The following ARL15 variants were observed in gnomAD, a reference collection of about 807,000 sequenced individuals.
ARL15 encodes ADP-ribosylation factor-like protein 15.
A neutral mutation model predicts 25.2 loss-of-function variants in ARL15; 19 were observed. The ratio of observed to expected loss-of-function variants is 0.75; its 90% CI spans 0.53 to 1.10. The LOEUF is 1.10. ARL15 is among the 50% of genes least tolerant of loss of function. The pLI is 0.00. For synonymous variants in ARL15, 94 were observed against 86.8 expected, an observed-to-expected ratio of 1.08 and a Z score of -0.46; for missense variants, 220 against 246.0, an observed-to-expected ratio of 0.89 and a Z score of 0.71.
At chr5:53,943,687 G>A (rs181083586) in intron 4 of ARL15, among the ~76,000 whole-genome samples, 63 of 152,282 alleles carry the variant, frequency 4.1e-4, no homozygotes, top group Non-Finnish European at 5.4e-4. Flanking sequence ...CTGAGTGGGT[G>A]GCTGAGATAG....
chr5:54,223,373 T>C (rs527525290), intron 1 of ARL15, among the ~76,000 whole-genome samples: 23 of 152,310 alleles, frequency 1.5e-4, no homozygotes, highest in African/African-American at 5.3e-4. Flanking sequence ...AAAGAATATT[T>C]TCAATAATTT....
At chr5:54,028,887 T>G (rs1749874022) in intron 4 of ARL15, among the ~76,000 whole-genome samples, 1 of 152,100 alleles carries the variant, frequency 6.6e-6, no homozygotes, top group South Asian at 2.1e-4. Flanking sequence ...CCAGGTATGG[T>G]GGTATGCGCC....
At chr5:54,157,800 T>C (rs549603666) in intron 2 of ARL15, among the ~76,000 whole-genome samples, 1 of 152,322 alleles carries the variant, frequency 6.6e-6, no homozygotes, top group East Asian at 1.9e-4. Flanking sequence ...GTTAGATTTA[T>C]ACTGCAAAGG....
intron 4 of ARL15, among the ~76,000 whole-genome samples, chr5:53,974,316 T>G (rs1747856652): frequency 6.6e-6 from 1 of 152,214 alleles, no homozygotes; most frequent in African/African-American, 2.4e-5. Context: ...ACTTGTGACT[T>G]AATCTGAAAA....
intron 4 of ARL15, among the ~76,000 whole-genome samples, chr5:53,933,087 A>G (rs1319204010): frequency 2.0e-5 from 3 of 152,210 alleles, no homozygotes; most frequent in Non-Finnish European, 4.4e-5. Context: ...AGGACAAAGC[A>G]TCTCTGCTGT....
intron 4 of ARL15, among the ~76,000 whole-genome samples, chr5:54,027,763 T>C (rs1260988993): frequency 6.6e-6 from 1 of 152,126 alleles, no homozygotes; most frequent in African/African-American, 2.4e-5. Context: ...TATTATTTAA[T>C]CAAAGAATCA....
At chr5:54,126,126 C>T (rs894287742) in intron 3 of ARL15, among the ~76,000 whole-genome samples, 1 of 152,114 alleles carries the variant, frequency 6.6e-6, no homozygotes, top group Non-Finnish European at 1.5e-5. Context: ...AAATTCTGTT[C>T]ATCAGCTTAT....
intron 4 of ARL15, among the ~76,000 whole-genome samples, chr5:53,899,347 C>CAAAAAAAAAAAAAAAA (rs59145507): frequency 1.1e-5 from 1 of 89,396 alleles, no homozygotes; most frequent in African/African-American, 5.5e-5. Flanking sequence ...GACTCTATCC[C>CAAAAAAAAAAAAAAAA]AAAAAAAAAA....
chr5:54,165,500 A>G (rs970330851), intron 2 of ARL15, among the ~76,000 whole-genome samples: 12 of 151,754 alleles, frequency 7.9e-5, no homozygotes, highest in Non-Finnish European at 4.4e-5. Context: ...ATTAGTTGAC[A>G]GTTTTTTCCC....
chr5:53,886,628 A>G lies in ARL15; in HGVS notation c.548T>C (p.Leu183Pro). The change falls in exon 5 of 5, where the codon CTG becomes CCG. Residue 183 changes from leucine to proline, a missense_variant. Coordinates refer to ENST00000504924, the MANE Select transcript of ARL15 (RefSeq NM_019087.3). ...AATCAGCTGAGAGAAGCTGTCTTTC[A>G]GTGCATCCATGTCATCCAGTGAGCA... ...QPCSLDDMDA[L>P]KDSFSQLINL... The G allele has an allele frequency of 6.4e-7, 1 of 1,570,720 alleles. No individual in the cohort carries two copies. Among genetic ancestry groups the G allele is most frequent in the Non-Finnish European group, 8.6e-7 (1 of 1,156,208 alleles).
chr5:54,230,262 G>T (rs192805410), intron 1 of ARL15, among the ~76,000 whole-genome samples: 5 of 150,466 alleles, frequency 3.3e-5, no homozygotes, highest in Admixed American at 3.3e-4. Context: ...CAGGAGAATC[G>T]CTTGAACCGG....
chr5:53,931,867 C>CTGTA (rs1746204107), intron 4 of ARL15, among the ~76,000 whole-genome samples: 1 of 152,130 alleles, frequency 6.6e-6, no homozygotes, highest in Non-Finnish European at 1.5e-5. Context: ...TTAAGTAAGC[C>CTGTA]TGTAGGCTAG....
In ARL15 at chr5:54,009,618, A is replaced by G. The variant is rs924258830; in HGVS notation, c.462+103584T>C. 2.0e-4 allele frequency among the ~76,000 whole-genome samples: 30 copies of G among 152,246 alleles called. 1 individual carries two copies. The highest frequency in any genetic ancestry group is 7.2e-4 in the African/African-American group (30 of 41,476). On this transcript the variant is annotated intron_variant, in intron 4 of 4. Coordinates refer to ENST00000504924, the MANE Select transcript of ARL15 (RefSeq NM_019087.3). ...ATTGTGCACAAACTCTTTTGTCTTC[A>G]GCCCAAGAGATGGAATTCAGCAAAC...
At chr5:54,291,079 T>A (rs1330519921) in intron 1 of ARL15, among the ~76,000 whole-genome samples, 2 of 152,240 alleles carry the variant, frequency 1.3e-5, no homozygotes, top group African/African-American at 4.8e-5. Context: ...TTCAAAAAAA[T>A]TTCTATTTGC....
intron 4 of ARL15, 84 bp from the exon 5 acceptor site, chr5:53,886,797 G>C: frequency 7.8e-7 from 1 of 1,283,668 alleles, no homozygotes; most frequent in South Asian, 1.4e-5. Context: ...ATAAAGTAGG[G>C]GAATTTCGAG....
rs370717620 is a variant in ARL15, at chr5:53,969,170, A to G, written c.463-82457T>C. 1.6e-4 allele frequency among the ~76,000 whole-genome samples: 25 copies of G among 152,240 alleles called. No individual in the cohort carries two copies. In the East Asian group the frequency reaches 1.9e-3, roughly 12 times the overall value. On this transcript the variant is annotated intron_variant, in intron 4 of 4. Coordinates refer to ENST00000504924, the MANE Select transcript of ARL15 (RefSeq NM_019087.3). ...CATCTCAAAAAACAAACAAACAAAC[A>G]ACAACAAGAAGAAAAGGCACATACA... is the stretch of plus-strand genomic sequence containing the variant.
chr5:54,266,549 T>C (rs1757632554), intron 1 of ARL15, among the ~76,000 whole-genome samples: 1 of 152,232 alleles, frequency 6.6e-6, no homozygotes, highest in Non-Finnish European at 1.5e-5. Flanking sequence ...TTAAGTGGGT[T>C]CCTGTTACTT....
chr5:53,921,283 T>C (rs1337557152), intron 4 of ARL15, among the ~76,000 whole-genome samples: 4 of 152,170 alleles, frequency 2.6e-5, no homozygotes, highest in East Asian at 1.9e-4. Context: ...ATTCTGCCCT[T>C]GGTCAGTGAA....
chr5:54,271,179 G>A lies in ARL15; in HGVS notation c.48+39253C>T, dbSNP rs1249604228. On this transcript the variant is annotated intron_variant, in intron 1 of 4. Coordinates refer to ENST00000504924, the MANE Select transcript of ARL15 (RefSeq NM_019087.3). ...TGAGCCACACTACCAGCATCCCATGGTCTCCAGCTTGCAGATGGCCTGTTG... is the reference window on the plus strand; with the variant it reads ...TGAGCCACACTACCAGCATCCCATGATCTCCAGCTTGCAGATGGCCTGTTG... Among the ~76,000 whole-genome samples the A allele has an allele frequency of 5.3e-5, 8 of 152,252 alleles. No individual in the cohort carries two copies. The South Asian group carries it at 1.7e-3, about 32-fold the overall frequency.
Sources: allele counts gnomAD v4.1 joint callset (sites outside exome capture counted in the v4.1 genomes callset), GRCh38; gene constraint gnomAD v4.1.1; transcripts MANE v1.5; gene names NCBI Gene and HGNC (gene_info 2026-07-23, HGNC 2026-07-21).